RCN2: variants seen among roughly 807,000 people sequenced by gnomAD.
RCN2 encodes reticulocalbin-2.
Under a neutral mutation model 37.5 loss-of-function variants are expected in RCN2, and 23 were observed. That is an observed-to-expected ratio of 0.61 (90% CI 0.44 to 0.87). RCN2 has a LOEUF of 0.87. RCN2 is among the 40% of genes least tolerant of loss of function. RCN2 has a pLI of 0.00. For synonymous variants in RCN2, 140 were observed against 144.6 expected (o/e 0.97, Z 0.23); for missense variants, 381 against 390.4 (o/e 0.98, Z 0.20).
Position 76,949,162 on chromosome 15 carries a change from T to G in RCN2, c.894T>G (p.Ser298Arg). ...AAAACCCGGACTTGTTTCTCACCAG[T>G]GAAGCCACAGATTATGGCAGACAGC... ...ILENPDLFLT[S>R]EATDYGRQLH... Residue 298 changes from serine to arginine, a missense_variant, in exon 7 of 7, where the codon AGT becomes AGG. By Grantham distance (110) the Ser-to-Arg change is moderately radical. Transcript: ENST00000394885. 6.2e-7 allele frequency: 1 copy of G among 1,613,400 alleles called. No individual in the cohort carries two copies.
Position 76,952,029 on chromosome 15 carries a change from T to TG in RCN2, c.*2807_*2808insG, listed in dbSNP as rs2075323272. The TG allele has an allele frequency of 6.6e-6, 1 of 151,376 alleles. No homozygotes were observed. The highest frequency in any genetic ancestry group is 1.5e-5 in the Non-Finnish European group (1 of 67,762). 9.4% of individuals were successfully genotyped at this position (151,376 alleles called of 1,614,324 possible). On this transcript the variant is annotated 3_prime_UTR_variant, in exon 7 of 7. Coordinates refer to ENST00000394885, the MANE Select transcript of RCN2 (RefSeq NM_002902.3). ...CCTTTGCAGTTTTAAAAATAGGCTTTTTTTTTTTTTAGTGTAGTTTTATGT... is the reference window on the plus strand; with the variant it reads ...CCTTTGCAGTTTTAAAAATAGGCTTTGTTTTTTTTTTAGTGTAGTTTTATGT...
rs1284356930 is a variant in RCN2, at chr15:76,953,555, C to CTATA, written c.*4369_*4372dup. The CTATA allele has an allele frequency of 0.031, 831 of 26,618 alleles. 15 individuals are homozygous for CTATA. Among genetic ancestry groups the CTATA allele is most frequent in the Admixed American group, 0.043 (53 of 1,236 alleles). 1.6% of individuals were successfully genotyped at this position (26,618 alleles called of 1,614,324 possible). On this transcript the variant is annotated 3_prime_UTR_variant, in exon 7 of 7. Transcript: ENST00000394885. ...GGGATTGCTGGATCATATAGTAATT[C>CTATA]TATATATATATATATATATATATAT...
In RCN2 at chr15:76,953,553, T is replaced by TTATATATA. The variant is rs1246807330; in HGVS notation, c.*4332_*4333insATATATAT. ...GTGGGATTGCTGGATCATATAGTAATTCTATATATATATATATATATATAT... is the reference window on the plus strand; with the variant it reads ...GTGGGATTGCTGGATCATATAGTAATTATATATATCTATATATATATATATATATATAT... On this transcript the variant is annotated 3_prime_UTR_variant, in exon 7 of 7. Transcript: ENST00000394885. The TTATATATA allele has an allele frequency of 2.3e-4, 18 of 77,526 alleles. No individual in the cohort carries two copies. The highest frequency in any genetic ancestry group is 4.6e-4 in the Admixed American group (3 of 6,534). 4.8% of individuals were successfully genotyped at this position (77,526 alleles called of 1,614,324 possible).
chr15:76,941,578 GAAA>G, intron 3 of RCN2: 1 of 943,740 alleles, frequency 1.1e-6, no homozygotes, highest in Non-Finnish European at 1.6e-6. Context: ...TTATATACAA[GAAA>G]AAAAAAGAGT....
At position 76,950,906 on chromosome 15, in the gene RCN2, G is replaced by C. The variant is rs1352599835; in HGVS notation, c.*1684G>C. ...CCGCATCTTTGCTGATGTGAGGTGTGCTTGCAAATTGTAAGCTTCCACACC... is the reference window on the plus strand; with the variant it reads ...CCGCATCTTTGCTGATGTGAGGTGTCCTTGCAAATTGTAAGCTTCCACACC... On this transcript the variant is annotated 3_prime_UTR_variant, in exon 7 of 7. Transcript: ENST00000394885. 2.6e-5 allele frequency: 4 copies of C among 152,188 alleles called. No individual in the cohort carries two copies. The highest frequency in any genetic ancestry group is 2.6e-4 in the Admixed American group (4 of 15,282). The allele number at this position is 152,188 out of a possible 1,614,324, so 9.4% of individuals were successfully genotyped here.
In RCN2 at chr15:76,950,384, TTC is replaced by T. The variant is rs1460849663; in HGVS notation, c.*1164_*1165del. On this transcript the variant is annotated 3_prime_UTR_variant, in exon 7 of 7. Coordinates refer to ENST00000394885, the MANE Select transcript of RCN2 (RefSeq NM_002902.3). ...TCTGATGTACAGAGATTGTTTTTCA[TTC>T]TTTTTTTTTTTTTTTTTTTTGTGAC... The T allele has an allele frequency of 5.0e-4, 70 of 139,038 alleles. 1 individual carries two copies. Among genetic ancestry groups the T allele is most frequent in the African/African-American group, 1.8e-3 (64 of 36,148 alleles). The allele number at this position is 139,038 out of a possible 1,614,324, so 8.6% of individuals were successfully genotyped here.
At chr15:76,948,346 CA>C (rs1729277274) in intron 5 of RCN2, 63 bp from the exon 6 acceptor site, 1 of 1,211,442 alleles carries the variant, frequency 8.3e-7, no homozygotes, top group Admixed American at 2.4e-5. Context: ...AGGGATATAC[CA>C]AACTTCTTAT....
At chr15:76,940,579 C>T (rs1024111615) in intron 3 of RCN2, among the ~76,000 whole-genome samples, 13 of 121,238 alleles carry the variant, frequency 1.1e-4, no homozygotes, top group African/African-American at 3.4e-4. Context: ...GAGGGAGTGT[C>T]GCTCTGTCAC....
Position 76,948,432 on chromosome 15 carries a change from G to T in RCN2, c.681G>T (p.Trp227Cys). The change falls in exon 6 of 7, where the codon TGG (tryptophan) becomes TGT (cysteine). Residue 227 changes from tryptophan (W) to cysteine (C), a missense_variant. Transcript: ENST00000394885. ...AAGCTGCAAATGAAGATCCAGAATG[G>T]ATACTTGTTGAGAAAGACAGATTCG... is the stretch of plus-strand genomic sequence containing the variant. ...WDPTANEDPE[W>C]ILVEKDRFVN... 6.2e-7 allele frequency: 1 copy of T among 1,605,070 alleles called. No homozygotes were observed. The highest frequency in any genetic ancestry group is 8.5e-7 in the Non-Finnish European group (1 of 1,174,994).
chr15:76,944,901 G>T (rs1428404597), intron 4 of RCN2, among the ~76,000 whole-genome samples: 4 of 152,134 alleles, frequency 2.6e-5, no homozygotes, highest in Admixed American at 2.6e-4. Context: ...CCCAGCAGTG[G>T]GATTGCTGGA....
intron 3 of RCN2, chr15:76,941,721 T>A: frequency 8.1e-7 from 1 of 1,232,360 alleles, no homozygotes; most frequent in Non-Finnish European, 1.1e-6. Context: ...GTTCTTCAAA[T>A]GGCCGTGAAA....
Position 76,932,359 on chromosome 15 carries a change from A to T in RCN2, c.145-2A>T. 3 of 1,610,748 alleles carry T rather than the reference A, an allele frequency of 1.9e-6. No individual in the cohort carries two copies. The highest frequency in any genetic ancestry group is 3.3e-5 in the Admixed American group (2 of 59,960). The stretch of plus-strand genomic sequence containing the variant: ...CCTCCTGTGTGTCGCTTCCCCCTAA[A>T]GGAAGATGTGGATGAATATGTTAAA... On this transcript the variant is annotated splice_acceptor_variant, in intron 1 of 6. Transcript: ENST00000394885. LOFTEE classifies it high-confidence loss of function.
In RCN2 at chr15:76,935,535, G is replaced by T. The variant is rs1489407712; in HGVS notation, c.260G>T (p.Ser87Ile). Residue 87 changes from serine (S) to isoleucine (I), a missense_variant, in exon 3 of 7, where the codon AGT becomes ATT. Transcript: ENST00000394885. ...SDGFLTESEL[S>I]SWIQMSFKHY... ...TGGGAAATTCTCATAGGTGAACTCA[G>T]TTCATGGATTCAGATGTCTTTTAAG... 2 of 1,610,760 alleles carry T rather than the reference G, an allele frequency of 1.2e-6. No homozygotes were observed. The highest frequency in any genetic ancestry group is 1.7e-5 in the Admixed American group (1 of 59,924).
rs754852363 is a variant in RCN2, at chr15:76,948,388, A to C, written c.659-22A>C. On this transcript the variant is annotated intron_variant, in intron 5 of 6. Transcript: ENST00000394885. Reference sequence around the variant, plus strand: ...ACATGTGATATTCTTGTGTATGTATATTTGTGTTTTTTTATATTAAGCTGC... The same window carrying C: ...ACATGTGATATTCTTGTGTATGTATCTTTGTGTTTTTTTATATTAAGCTGC... 7.8e-6 allele frequency: 12 copies of C among 1,541,894 alleles called. No homozygotes were observed. The Admixed American group carries it at 2.1e-4, about 27-fold the overall frequency.
intron 5 of RCN2, 187 bp from the exon 6 acceptor site, chr15:76,948,223 G>A (rs1355608810): frequency 1.4e-5 from 6 of 415,304 alleles, no homozygotes; most frequent in African/African-American, 4.1e-5. Flanking sequence ...GTTTAGACTC[G>A]TGTCACTTTT....
intron 4 of RCN2, among the ~76,000 whole-genome samples, chr15:76,947,220 G>C (rs1416602683): frequency 6.6e-6 from 1 of 152,178 alleles, no homozygotes; most frequent in Admixed American, 6.5e-5. Flanking sequence ...CTAAATTCCA[G>C]TGTTTAGAAG....
At chr15:76,943,689 A>C in intron 3 of RCN2, 69 bp from the exon 4 acceptor site, 1 of 832,036 alleles carries the variant, frequency 1.2e-6, no homozygotes, top group Non-Finnish European at 2.0e-6. Context: ...TTTAAATTTC[A>C]CATAGTTTGT....
At position 76,944,646 on chromosome 15, in the gene RCN2, T is replaced by C. The variant is rs142977594; in HGVS notation, c.561+775T>C. Among the ~76,000 whole-genome samples the C allele has an allele frequency of 4.3e-3, 660 of 152,320 alleles. 7 individuals carry two copies. The highest frequency in any genetic ancestry group is 0.015 in the African/African-American group (627 of 41,574). ...TGTTTGTCTTTCTGTGCCTGACTTA[T>C]TTCACTTAATATGATCTCCAGTTCA... is the stretch of plus-strand genomic sequence containing the variant. On this transcript the variant is annotated intron_variant, in intron 4 of 6. Transcript: ENST00000394885.
intron 2 of RCN2, among the ~76,000 whole-genome samples, chr15:76,935,183 G>A (rs564991879): frequency 1.3e-5 from 2 of 152,252 alleles, no homozygotes; most frequent in Admixed American, 1.3e-4. Context: ...AATTAGCCGG[G>A]TGTGGTGGCA....
Sources: gnomAD v4.1 joint callset for allele counts (sites outside exome capture counted in the v4.1 genomes callset) on GRCh38, gnomAD v4.1.1 for gene constraint, MANE v1.5 for transcripts, NCBI Gene and HGNC (gene_info 2026-07-23, HGNC 2026-07-21) for gene names.